DTD1: variants seen among roughly 807,000 people sequenced by gnomAD.
The protein encoded by DTD1 is D-aminoacyl-tRNA deacylase 1.
A neutral mutation model predicts 25.6 loss-of-function variants in DTD1; 13 were observed. The observed-to-expected ratio is 0.51, with a 90% CI of 0.33 to 0.81. The LOEUF is 0.81. DTD1 is among the 30% of genes least tolerant of loss of function. DTD1 has a pLI of 0.02. For missense variants in DTD1, 193 were observed against 266.4 expected (o/e 0.72, Z 1.92); for synonymous variants, 110 against 103.6 (o/e 1.06, Z -0.37).
At chr20:18,590,487 T>C (rs1362798280) in intron 1 of DTD1, among the ~76,000 whole-genome samples, 3 of 152,214 alleles carry the variant, frequency 2.0e-5, no homozygotes, top group Non-Finnish European at 4.4e-5. Flanking sequence ...TTTGTTTTTG[T>C]TTTGAGAGAG....
intron 5 of DTD1, among the ~76,000 whole-genome samples, chr20:18,758,589 A>G (rs1179502838): frequency 3.9e-5 from 6 of 152,056 alleles, no homozygotes; most frequent in Non-Finnish European, 5.9e-5. Context: ...GTTTTGAGTG[A>G]GTTTCTGAAT....
At chr20:18,724,036 G>A (rs992325891) in intron 4 of DTD1, among the ~76,000 whole-genome samples, 12 of 152,226 alleles carry the variant, frequency 7.9e-5, no homozygotes, top group African/African-American at 9.7e-5. Flanking sequence ...AATGATCAAA[G>A]GCGGAAAAGG....
chr20:18,609,434 G>A (rs921946798), intron 3 of DTD1, among the ~76,000 whole-genome samples: 1 of 152,014 alleles, frequency 6.6e-6, no homozygotes, highest in African/African-American at 2.4e-5. Context: ...TTACAGGCGT[G>A]AGCCACCAAG....
chr20:18,626,050 T>C (rs2060756221), intron 3 of DTD1, among the ~76,000 whole-genome samples: 1 of 152,244 alleles, frequency 6.6e-6, no homozygotes, highest in Admixed American at 6.5e-5. Flanking sequence ...TATACTTTTT[T>C]GGCATAATAT....
At chr20:18,667,595 G>T (rs80100669) in intron 4 of DTD1, among the ~76,000 whole-genome samples, 2 of 152,136 alleles carry the variant, frequency 1.3e-5, no homozygotes, top group African/African-American at 4.8e-5. Context: ...GTGTTTTTTT[G>T]AACATTTGTT....
At chr20:18,631,838 A>AT (rs2060788776) in intron 4 of DTD1, 1 of 984,822 alleles carries the variant, frequency 1.0e-6, no homozygotes, top group African/African-American at 1.8e-5. Flanking sequence ...CATTCTAAAT[A>AT]TTTTTCTGGA....
chr20:18,750,035 T>C (rs934580553), intron 5 of DTD1, among the ~76,000 whole-genome samples: 2 of 152,206 alleles, frequency 1.3e-5, no homozygotes, highest in Admixed American at 6.5e-5. Context: ...GTGTCAGGCA[T>C]GGACAGATGT....
chr20:18,618,828 T>C (rs2060720960), intron 3 of DTD1, among the ~76,000 whole-genome samples: 1 of 151,884 alleles, frequency 6.6e-6, no homozygotes, highest in Non-Finnish European at 1.5e-5. Context: ...TTCTCCTGCC[T>C]CAGCCTCCCG....
At chr20:18,759,610 A>T (rs2061353206) in intron 5 of DTD1, among the ~76,000 whole-genome samples, 1 of 152,220 alleles carries the variant, frequency 6.6e-6, no homozygotes, top group Admixed American at 6.5e-5. Flanking sequence ...ATCCGCTGTT[A>T]GTCTGATGGG....
At chr20:18,620,829 G>A in intron 3 of DTD1, among the ~76,000 whole-genome samples, 1 of 152,154 alleles carries the variant, frequency 6.6e-6, no homozygotes, top group East Asian at 1.9e-4. Context: ...CTGGGTTCAA[G>A]TGATCCTCCT....
intron 5 of DTD1, 124 bp downstream of exon 5, chr20:18,744,395 C>A: frequency 9.4e-7 from 1 of 1,059,930 alleles, no homozygotes; most frequent in Non-Finnish European, 1.3e-6. Flanking sequence ...TTCCTTAAAT[C>A]TGCTGCCTTC....
intron 3 of DTD1, among the ~76,000 whole-genome samples, chr20:18,622,727 A>G (rs1241800714): frequency 6.6e-6 from 1 of 152,222 alleles, no homozygotes; most frequent in East Asian, 1.9e-4. Flanking sequence ...AGAATAGACT[A>G]GAAAGCTTTA....
chr20:18,750,819 T>C (rs1420082183), intron 5 of DTD1, among the ~76,000 whole-genome samples: 2 of 152,236 alleles, frequency 1.3e-5, no homozygotes, highest in Non-Finnish European at 1.5e-5. Context: ...ATGTGGTTTC[T>C]GATTTGATTG....
intron 4 of DTD1, 56 bp from the exon 5 acceptor site, chr20:18,744,044 T>G: frequency 2.6e-6 from 4 of 1,523,146 alleles, no homozygotes; most frequent in Non-Finnish European, 3.5e-6. Flanking sequence ...GTGTGTGGGA[T>G]ACACAGGCAT....
At chr20:18,699,591 G>A (rs577750298) in intron 4 of DTD1, among the ~76,000 whole-genome samples, 2 of 152,296 alleles carry the variant, frequency 1.3e-5, no homozygotes, top group South Asian at 2.1e-4. Context: ...GCTTGTGTGG[G>A]GATGGCTATA....
intron 3 of DTD1, among the ~76,000 whole-genome samples, chr20:18,610,467 G>A (rs1023444346): frequency 6.6e-6 from 1 of 152,094 alleles, no homozygotes; most frequent in African/African-American, 2.4e-5. Context: ...ATTTTATAAT[G>A]GATCAGAATT....
intron 4 of DTD1, among the ~76,000 whole-genome samples, chr20:18,740,947 A>G (rs1031782055): frequency 1.3e-5 from 2 of 152,224 alleles, no homozygotes; most frequent in Non-Finnish European, 2.9e-5. Flanking sequence ...ATATTTTTCC[A>G]TGGAAAAGTA....
At chr20:18,615,730 A>G (rs1489657630) in intron 3 of DTD1, among the ~76,000 whole-genome samples, 1 of 152,176 alleles carries the variant, frequency 6.6e-6, no homozygotes, top group African/African-American at 2.4e-5. Flanking sequence ...GATTACCTGT[A>G]TATTCTCTGC....
chr20:18,644,419 A>G (rs1053314658), intron 4 of DTD1, among the ~76,000 whole-genome samples: 1 of 152,204 alleles, frequency 6.6e-6, no homozygotes, highest in African/African-American at 2.4e-5. Flanking sequence ...AGTTGCCTCA[A>G]AACTATGTAG....
Sources: allele counts gnomAD v4.1 joint callset (sites outside exome capture counted in the v4.1 genomes callset), GRCh38; gene constraint gnomAD v4.1.1; transcripts MANE v1.5; gene names NCBI Gene and HGNC (gene_info 2026-07-23, HGNC 2026-07-21).